The following PLEKHG3 variants were observed in gnomAD, a reference collection of about 807,000 sequenced individuals.
The protein encoded by PLEKHG3 is pleckstrin homology and RhoGEF domain containing G3.
Under a neutral mutation model 94.9 loss-of-function variants are expected in PLEKHG3, and 62 were observed. That is an observed-to-expected ratio of 0.65 (90% CI 0.53 to 0.81). PLEKHG3 has a LOEUF of 0.81. Ranked by LOEUF, PLEKHG3 falls within the 30% of genes least tolerant of loss-of-function variation. The pLI is 0.00. For missense variants in PLEKHG3, 1,461 were observed against 1,619.3 expected (o/e 0.90, Z 1.68); for synonymous variants, 614 against 654.0 (o/e 0.94, Z 0.93).
chr14:64,749,553 C>T lies in PLEKHG3; in HGVS notation c.*5850C>T. The T allele has an allele frequency of 4.4e-6, 7 of 1,602,854 alleles. No individual in the cohort carries two copies. The East Asian group carries it at 1.1e-4, about 26-fold the overall frequency. ...GGGCCAGGCAACAATGGTGGGGGCT[C>T]TTGGGACTGCCCCTTCTGAGGGGGC... On this transcript the variant is annotated 3_prime_UTR_variant, in exon 17 of 17. Coordinates refer to ENST00000247226, the MANE Select transcript of PLEKHG3 (RefSeq NM_001308147.2). The surrounding 1 kb of genome is among the most constrained non-coding windows in gnomAD (Gnocchi z 4.7).
At position 64,743,855 on chromosome 14, in the gene PLEKHG3, G is replaced by C; in HGVS notation, c.*152G>C. The C allele has an allele frequency of 1.3e-6, 1 of 763,588 alleles. No homozygotes were observed. Among genetic ancestry groups the C allele is most frequent in the Non-Finnish European group, 2.0e-6 (1 of 499,654 alleles). The allele number at this position is 763,588 out of a possible 1,614,324, so 47.3% of individuals were successfully genotyped here. ...TCCGCCCTTCAGGAAGGATGCTCCC[G>C]TGTGCAGGGGTCTCCTGCCTGTGCC... On this transcript the variant is annotated 3_prime_UTR_variant, in exon 17 of 17. Coordinates refer to ENST00000247226, the MANE Select transcript of PLEKHG3 (RefSeq NM_001308147.2). This position sits in a 1 kb window ranked among gnomAD's most constrained non-coding sequence, Gnocchi z 7.2.
In PLEKHG3 at chr14:64,749,404, C is replaced by T. The variant is rs2081905962; in HGVS notation, c.*5701C>T. 3.7e-6 allele frequency: 6 copies of T among 1,608,298 alleles called. No homozygotes were observed. Among genetic ancestry groups the T allele is most frequent in the Non-Finnish European group, 5.1e-6 (6 of 1,179,732 alleles). ...AGGGAAGGCAGGGGCAGGCTCTGCG[C>T]CTTGACGCGGATGCTCTGGGACTCG... On this transcript the variant is annotated 3_prime_UTR_variant, in exon 17 of 17. Transcript: ENST00000247226. This position sits in a 1 kb window ranked among gnomAD's most constrained non-coding sequence, Gnocchi z 4.7.
Position 64,716,459 on chromosome 14 carries a change from C to CACACACACACAACACACACACACACA in PLEKHG3, c.-39-11127_-39-11126insCACAACACACACACACACAACACACA, listed in dbSNP as rs1566693822. On this transcript the variant is annotated intron_variant, in intron 1 of 16. Transcript: ENST00000247226. The surrounding 1 kb of genome is among the most constrained non-coding windows in gnomAD (Gnocchi z 5.0). ...CTACACACACACACACACACACACA[C>CACACACACACAACACACACACACACA]ACACACAACACACACACACACAACA... 2.5e-5 allele frequency among the ~76,000 whole-genome samples: 3 copies of CACACACACACAACACACACACACACA among 121,446 alleles called. No individual in the cohort carries two copies. The South Asian group carries it at 8.2e-4, about 33-fold the overall frequency. 79.7% of individuals were successfully genotyped at this position (121,446 alleles called of 152,430 possible). A position where few individuals can be genotyped will look rare whatever the true frequency, so the allele number is the denominator to read the frequency against.
Position 64,738,788 on chromosome 14 carries a change from C to T in PLEKHG3, c.1451C>T (p.Pro484Leu), listed in dbSNP as rs1172398894. 2 of 1,600,430 alleles carry T rather than the reference C, an allele frequency of 1.2e-6. No homozygotes were observed. Among genetic ancestry groups the T allele is most frequent in the Non-Finnish European group, 1.7e-6 (2 of 1,173,280 alleles). The change falls in exon 15 of 17, where the codon CCC becomes CTC. Residue 484 changes from proline (P) to leucine (L), a missense_variant. Coordinates refer to ENST00000247226, the MANE Select transcript of PLEKHG3 (RefSeq NM_001308147.2). This position sits in a 1 kb window ranked among gnomAD's most constrained non-coding sequence, Gnocchi z 4.8. ...ESESSRSSRR[P>L]SGRSPTSTEK... is the part of the protein sequence containing the mutation. ...GAAAGCTCCAGGAGCAGCAGAAGGC[C>T]CAGTGGCCGGTCTCCAACCAGTACT...
chr14:64,728,406 T>C lies in PLEKHG3; in HGVS notation c.351+424T>C, dbSNP rs2081394018. Among the ~76,000 whole-genome samples, 1 of 152,270 alleles carries C rather than the reference T, an allele frequency of 6.6e-6. No individual in the cohort carries two copies. Among genetic ancestry groups the C allele is most frequent in the Non-Finnish European group, 1.5e-5 (1 of 68,042 alleles). Reference sequence around the variant, plus strand: ...GGGCACGGAAGGGCAGCTGTGTGGCTGCCACTGAGGAAGCCCTCTGCCCCA... The same window carrying C: ...GGGCACGGAAGGGCAGCTGTGTGGCCGCCACTGAGGAAGCCCTCTGCCCCA... On this transcript the variant is annotated intron_variant, in intron 2 of 16. Coordinates refer to ENST00000247226, the MANE Select transcript of PLEKHG3 (RefSeq NM_001308147.2). This position sits in a 1 kb window ranked among gnomAD's most constrained non-coding sequence, Gnocchi z 5.9.
At position 64,718,635 on chromosome 14, in the gene PLEKHG3, T is replaced by C. The variant is rs1026895085; in HGVS notation, c.-39-8958T>C. 2.0e-5 allele frequency among the ~76,000 whole-genome samples: 3 copies of C among 152,198 alleles called. No homozygotes were observed. Among genetic ancestry groups the C allele is most frequent in the Non-Finnish European group, 4.4e-5 (3 of 68,040 alleles). ...CGCTGACTTGCTCCTGATCATACAG[T>C]GGCTAGGCAGAGCCAGGGTAGTTTG... is the stretch of plus-strand genomic sequence containing the variant. On this transcript the variant is annotated intron_variant, in intron 1 of 16. Transcript: ENST00000247226. The surrounding 1 kb of genome is among the most constrained non-coding windows in gnomAD (Gnocchi z 5.0).
In PLEKHG3 at chr14:64,715,989, C is replaced by G; in HGVS notation, c.-40+11285C>G. ...CTGTTGGTGGCAGCTCGCTGCTCAC[C>G]CCAAGCCTGTTAACTGCTAGGTTGC... On this transcript the variant is annotated intron_variant, in intron 1 of 16. Coordinates refer to ENST00000247226, the MANE Select transcript of PLEKHG3 (RefSeq NM_001308147.2). This position sits in a 1 kb window ranked among gnomAD's most constrained non-coding sequence, Gnocchi z 4.4. The G allele has an allele frequency of 2.2e-5, 10 of 455,268 alleles. No homozygotes were observed. Among genetic ancestry groups the G allele is most frequent in the South Asian group, 1.6e-4 (10 of 64,500 alleles). The allele number at this position is 455,268 out of a possible 1,614,324, so 28.2% of individuals were successfully genotyped here. A position where few individuals can be genotyped will look rare whatever the true frequency, so the allele number is the denominator to read the frequency against.
At position 64,728,907 on chromosome 14, in the gene PLEKHG3, T is replaced by TA. The variant is rs2081403832; in HGVS notation, c.352-88dup. ...GTAGGCAATGTCCGTGAAGTGGTGT[T>TA]ACAGCAGGGCCGAAACGAGGTGTGG... On this transcript the variant is annotated intron_variant, in intron 2 of 16. Transcript: ENST00000247226. This position sits in a 1 kb window ranked among gnomAD's most constrained non-coding sequence, Gnocchi z 5.9. The TA allele has an allele frequency of 1.7e-6, 1 of 582,494 alleles. No homozygotes were observed. The allele number at this position is 582,494 out of a possible 1,614,324, so 36.1% of individuals were successfully genotyped here.
In PLEKHG3 at chr14:64,716,047, TCGC is replaced by T. The variant is rs761744726; in HGVS notation, c.-40+11345_-40+11347del. ...GGGGACAATGCGGCTGCCCGGCCCC[TCGC>T]CACCCTCGTGGTGCCCGGATGGGAG... is the stretch of plus-strand genomic sequence containing the variant. On this transcript the variant is annotated intron_variant, in intron 1 of 16. Transcript: ENST00000247226. The surrounding 1 kb of genome is among the most constrained non-coding windows in gnomAD (Gnocchi z 5.0). 4.4e-6 allele frequency: 2 copies of T among 456,218 alleles called. No homozygotes were observed. Among genetic ancestry groups the T allele is most frequent in the Non-Finnish European group, 8.8e-6 (2 of 226,738 alleles). The allele number at this position is 456,218 out of a possible 1,614,324, so 28.3% of individuals were successfully genotyped here. A position where few individuals can be genotyped will look rare whatever the true frequency, so the allele number is the denominator to read the frequency against.
chr14:64,738,214 G>A lies in PLEKHG3; in HGVS notation c.1405-528G>A, dbSNP rs530917624. 16 of 1,288,132 alleles carry A rather than the reference G, an allele frequency of 1.2e-5. No homozygotes were observed. Among genetic ancestry groups the A allele is most frequent in the South Asian group, 9.9e-5 (8 of 80,982 alleles). The allele number at this position is 1,288,132 out of a possible 1,614,324, so 79.8% of individuals were successfully genotyped here. A position where few individuals can be genotyped will look rare whatever the true frequency, so the allele number is the denominator to read the frequency against. ...CGGGCCAACGCTTTACTTTTCTCCCGGGGCGCTATGGTGAGGTGTCTCTTC... is the reference window on the plus strand; with the variant it reads ...CGGGCCAACGCTTTACTTTTCTCCCAGGGCGCTATGGTGAGGTGTCTCTTC... On this transcript the variant is annotated intron_variant, in intron 14 of 16. Transcript: ENST00000247226. The surrounding 1 kb of genome is among the most constrained non-coding windows in gnomAD (Gnocchi z 4.8).
Position 64,731,639 on chromosome 14 carries a change from C to G in PLEKHG3, c.1033-75C>G. 1.3e-6 allele frequency: 2 copies of G among 1,509,268 alleles called. No homozygotes were observed. The highest frequency in any genetic ancestry group is 3.3e-5 in the Admixed American group (2 of 59,864). 93.5% of individuals were successfully genotyped at this position (1,509,268 alleles called of 1,614,324 possible). On this transcript the variant is annotated intron_variant, in intron 8 of 16. Transcript: ENST00000247226. The surrounding 1 kb of genome is among the most constrained non-coding windows in gnomAD (Gnocchi z 6.1). ...TCTGCTTCTTGGGGCTCCAGCACCA[C>G]CCTTCTGAGATCACCCTCCCTGCTT...
intron 13 of PLEKHG3, 26 bp from the exon 14 acceptor site, chr14:64,737,330 G>A: frequency 6.3e-7 from 1 of 1,599,626 alleles, no homozygotes; most frequent in Non-Finnish European, 8.5e-7. Flanking sequence ...CCCGTGTGCT[G>A]GGGGACCCGG....
rs1342762243 is a variant in PLEKHG3, at chr14:64,725,096, T to G, written c.-39-2497T>G. ...GAAAAGACATATTAGTTTCTGGGTT[T>G]GAAGTGTGCTTATGTTGCTATCCTC... On this transcript the variant is annotated intron_variant, in intron 1 of 16. Coordinates refer to ENST00000247226, the MANE Select transcript of PLEKHG3 (RefSeq NM_001308147.2). The surrounding 1 kb of genome is among the most constrained non-coding windows in gnomAD (Gnocchi z 5.0). 6.6e-6 allele frequency among the ~76,000 whole-genome samples: 1 copy of G among 152,240 alleles called. No homozygotes were observed. Among genetic ancestry groups the G allele is most frequent in the African/African-American group, 2.4e-5 (1 of 41,460 alleles).
At position 64,741,117 on chromosome 14, in the gene PLEKHG3, G is replaced by A; in HGVS notation, c.1600G>A (p.Asp534Asn). 6.2e-7 allele frequency: 1 copy of A among 1,614,068 alleles called. No individual in the cohort carries two copies. Reference sequence around the variant, plus strand: ...GCCCAGTGCCGAGGAGACGCCTTCAGACACAGAATCTCCAGAAGTCCTGGA... The same window carrying A: ...GCCCAGTGCCGAGGAGACGCCTTCAAACACAGAATCTCCAGAAGTCCTGGA... ...EGPSAEETPS[D>N]TESPEVLETQ... The change falls in exon 16 of 17, where the codon GAC (aspartate) becomes AAC (asparagine). Residue 534 changes from aspartate (D) to asparagine (N), a missense_variant. Coordinates refer to ENST00000247226, the MANE Select transcript of PLEKHG3 (RefSeq NM_001308147.2).
At position 64,731,916 on chromosome 14, in the gene PLEKHG3, A is replaced by C; in HGVS notation, c.1125+110A>C. ...AGCTGCCCCAAGCCCCAGTGTCTCC[A>C]TCTGTGAGGCAAGGATCATTGCAGG... On this transcript the variant is annotated intron_variant, in intron 9 of 16. Coordinates refer to ENST00000247226, the MANE Select transcript of PLEKHG3 (RefSeq NM_001308147.2). This position sits in a 1 kb window ranked among gnomAD's most constrained non-coding sequence, Gnocchi z 6.1. The C allele has an allele frequency of 1.1e-6, 1 of 892,190 alleles. No individual in the cohort carries two copies. Among genetic ancestry groups the C allele is most frequent in the Admixed American group, 1.9e-5 (1 of 52,210 alleles). 55.3% of individuals were successfully genotyped at this position (892,190 alleles called of 1,614,324 possible).
intron 1 of PLEKHG3, among the ~76,000 whole-genome samples, chr14:64,705,783 G>A (rs774043026): frequency 1.8e-4 from 27 of 152,248 alleles, no homozygotes; most frequent in Non-Finnish European, 3.2e-4. Context: ...TGTTGGACAA[G>A]GATGGGATCC....
In PLEKHG3 at chr14:64,730,869, C is replaced by G; in HGVS notation, c.637C>G (p.Leu213Val). The G allele has an allele frequency of 6.2e-7, 1 of 1,613,200 alleles. No individual in the cohort carries two copies. Among genetic ancestry groups the G allele is most frequent in the Non-Finnish European group, 8.5e-7 (1 of 1,179,966 alleles). The change falls in exon 6 of 17, where the codon CTG becomes GTG. Residue 213 changes from leucine (L) to valine (V), a missense_variant. Leu to Val is a conservative substitution (Grantham distance 32). Around this residue, in one of 3 missense-constraint regions of PLEKHG3, gnomAD observed 253 missense variants for 297.8 expected, o/e 0.85. Transcript: ENST00000247226. This position sits in a 1 kb window ranked among gnomAD's most constrained non-coding sequence, Gnocchi z 5.4. ...CAAGTTCTTTCGGGACCGGCAGGAGCTGCTACAGCACTCGCTGCCCTTGGG... is the reference window on the plus strand; with the variant it reads ...CAAGTTCTTTCGGGACCGGCAGGAGGTGCTACAGCACTCGCTGCCCTTGGG... ...QAKFFRDRQELLQHSLPLGSY... is the reference protein window; with the variant it reads ...QAKFFRDRQEVLQHSLPLGSY...
chr14:64,705,968 T>C (rs976041203), intron 1 of PLEKHG3, among the ~76,000 whole-genome samples: 2 of 152,196 alleles, frequency 1.3e-5, no homozygotes, highest in Admixed American at 6.5e-5. Context: ...TCCTGGAAGA[T>C]AGGACAACCC....
At chr14:64,714,576 C>G (rs1225182918) in intron 1 of PLEKHG3, among the ~76,000 whole-genome samples, 2 of 152,214 alleles carry the variant, frequency 1.3e-5, no homozygotes, top group East Asian at 3.8e-4. Flanking sequence ...GTCTTATTCA[C>G]TGCTGTGTCC....
Sources: gnomAD v4.1 joint callset for allele counts (sites outside exome capture counted in the v4.1 genomes callset) on GRCh38, gnomAD v4.1.1 for gene constraint, gnomAD v4.1.1 regional missense constraint, Gnocchi (gnomAD v3.1) non-coding constraint, MANE v1.5 for transcripts, NCBI Gene and HGNC (gene_info 2026-07-23, HGNC 2026-07-21) for gene names.